PLAAT1: variants seen among roughly 807,000 people sequenced by gnomAD.
PLAAT1 encodes phospholipase A and acyltransferase 1.
In PLAAT1, 13 loss-of-function variants were observed where a neutral mutation model predicts 16.4. That is an observed-to-expected ratio of 0.79 (90% CI 0.52 to 1.26). The LOEUF (loss-of-function observed/expected upper bound fraction) is 1.26. Ranked by LOEUF, PLAAT1 falls within the 50% of genes most tolerant of loss-of-function variation. PLAAT1 has a pLI of 0.00. For synonymous variants in PLAAT1, 73 were observed against 78.4 expected (o/e 0.93, Z 0.36); for missense variants, 218 against 207.8 (o/e 1.05, Z -0.30).
At chr3:193,269,433 A>C (rs1443616373) in intron 3 of PLAAT1, among the ~76,000 whole-genome samples, 1 of 152,178 alleles carries the variant, frequency 6.6e-6, no homozygotes, top group Non-Finnish European at 1.5e-5. Context: ...CATGGAGCCA[A>C]GACTTCTGTT....
intron 3 of PLAAT1, among the ~76,000 whole-genome samples, chr3:193,269,358 C>T (rs1358960287): frequency 6.6e-6 from 1 of 152,216 alleles, no homozygotes. Context: ...CAGTGGGCCA[C>T]AATTACAGGC....
intron 2 of PLAAT1, among the ~76,000 whole-genome samples, chr3:193,276,472 A>G (rs1717207574): frequency 6.6e-6 from 1 of 152,234 alleles, no homozygotes; most frequent in African/African-American, 2.4e-5. Flanking sequence ...AAAATATTAG[A>G]AAAGTGCAAT....
At position 193,260,641 on chromosome 3, in the gene PLAAT1, G is replaced by A. The variant is rs567248836; in HGVS notation, c.140-2329G>A. Among the ~76,000 whole-genome samples the A allele has an allele frequency of 4.1e-4, 62 of 151,796 alleles. 1 individual carries two copies. Among genetic ancestry groups the A allele is most frequent in the Admixed American group, 3.9e-4 (6 of 15,238 alleles). ...TAGAAATGCAAATCAAAACCACAAT[G>A]AGATACCATCTCACATCAGTCAGAA... On this transcript the variant is annotated intron_variant, in intron 2 of 3. Transcript: ENST00000264735.
At chr3:193,272,602 T>C (rs992926941), downstream of PLAAT1, among the ~76,000 whole-genome samples, 1 of 152,166 alleles carries the variant, frequency 6.6e-6, no homozygotes, top group African/African-American at 2.4e-5. Context: ...GGGGAATTAC[T>C]ACACCCACCA....
chr3:193,276,671 C>T, intron 2 of PLAAT1: 1 of 994,722 alleles, frequency 1.0e-6, no homozygotes, highest in Non-Finnish European at 1.5e-6. Flanking sequence ...AAAGTGGTTG[C>T]TCTAGAAAAT....
intron 1 of PLAAT1, among the ~76,000 whole-genome samples, chr3:193,252,791 A>T (rs903347205): frequency 1.3e-5 from 2 of 152,156 alleles, no homozygotes; most frequent in African/African-American, 4.8e-5. Context: ...TTCAGCACCA[A>T]TTGTCAAAAA....
intron 3 of PLAAT1, among the ~76,000 whole-genome samples, chr3:193,268,816 T>C (rs1206524020): frequency 1.3e-5 from 2 of 152,180 alleles, no homozygotes; most frequent in African/African-American, 2.4e-5. Context: ...TTGTCAGCTT[T>C]CATTAACATC....
At position 193,246,148 on chromosome 3, in the gene PLAAT1, A is replaced by T. The variant is rs12496346; in HGVS notation, c.-1+4615A>T. On this transcript the variant is annotated intron_variant, in intron 1 of 3. Coordinates refer to ENST00000264735, the MANE Select transcript of PLAAT1 (RefSeq NM_020386.5). Reference sequence around the variant, plus strand: ...TTGTCTTTCTAATCTTACAGGAAAAACTTTCAACTTTTTACCATCGAGCAT... The same window carrying T: ...TTGTCTTTCTAATCTTACAGGAAAATCTTTCAACTTTTTACCATCGAGCAT... Among the ~76,000 whole-genome samples the T allele has an allele frequency of 3.4e-3, 512 of 152,140 alleles. 18 individuals carry two copies. The highest frequency in any genetic ancestry group is 0.031 in the Admixed American group (471 of 15,288).
chr3:193,257,045 C>CTT (rs1716400685), intron 2 of PLAAT1, among the ~76,000 whole-genome samples: 5 of 152,146 alleles, frequency 3.3e-5, no homozygotes, highest in African/African-American at 1.2e-4. Context: ...CACACATCTG[C>CTT]ATTTTTTTCT....
At chr3:193,242,357 GA>G (rs1715798806) in intron 1 of PLAAT1, among the ~76,000 whole-genome samples, 1 of 152,168 alleles carries the variant, frequency 6.6e-6, no homozygotes, top group African/African-American at 2.4e-5. Flanking sequence ...GGAAGCTAAA[GA>G]AGGCGGATCG....
intron 1 of PLAAT1, among the ~76,000 whole-genome samples, chr3:193,247,853 A>T (rs756561959): frequency 3.2e-4 from 49 of 152,280 alleles, no homozygotes; most frequent in Middle Eastern, 3.4e-3. Flanking sequence ...ATATCATATG[A>T]TCTACCCTGG....
intron 2 of PLAAT1, among the ~76,000 whole-genome samples, chr3:193,262,183 A>G (rs549749261): frequency 5.9e-4 from 90 of 152,280 alleles, no homozygotes; most frequent in African/African-American, 2.1e-3. Context: ...CCAAAGATAT[A>G]GTAGTTCCTG....
intron 1 of PLAAT1, among the ~76,000 whole-genome samples, chr3:193,252,766 T>C (rs1301710284): frequency 6.6e-6 from 1 of 152,212 alleles, no homozygotes; most frequent in Admixed American, 6.5e-5. Flanking sequence ...TGTTTGTCTA[T>C]GGATGTCTAA....
At chr3:193,273,525 G>T (rs2108807563), downstream of PLAAT1, among the ~76,000 whole-genome samples, 1 of 152,260 alleles carries the variant, frequency 6.6e-6, no homozygotes, top group South Asian at 2.1e-4. Flanking sequence ...TTTCAGAATT[G>T]TAAACTCAAG....
intron 3 of PLAAT1, among the ~76,000 whole-genome samples, chr3:193,267,440 A>G (rs1716819263): frequency 6.6e-6 from 1 of 151,726 alleles, no homozygotes; most frequent in Admixed American, 6.6e-5. Context: ...GCAGAATATC[A>G]TGTTGCTGAA....
At chr3:193,250,600 T>A (rs1445014123) in intron 1 of PLAAT1, among the ~76,000 whole-genome samples, 1 of 152,138 alleles carries the variant, frequency 6.6e-6, no homozygotes, top group African/African-American at 2.4e-5. Flanking sequence ...GCACTCCGTG[T>A]GTATGGAAAC....
intron 2 of PLAAT1, among the ~76,000 whole-genome samples, chr3:193,260,578 CAACA>C (rs1716548068): frequency 6.6e-6 from 1 of 151,796 alleles, no homozygotes; most frequent in Admixed American, 6.6e-5. Flanking sequence ...TTCAGGCAAC[CAACA>C]AACCTATGAA....
chr3:193,240,654 C>CGCGTGTGTGTGTGTGTGTGTGTGT (rs1553803498), upstream of PLAAT1, among the ~76,000 whole-genome samples: 3 of 88,502 alleles, frequency 3.4e-5, no homozygotes, highest in African/African-American at 1.4e-4. Flanking sequence ...GGCTATCTGG[C>CGCGTGTGTGTGTGTGTGTGTGTGT]GTGTGTGTGT....
At chr3:193,241,611 A>G in intron 1 of PLAAT1, 78 bp downstream of exon 1, 1 of 1,052,796 alleles carries the variant, frequency 9.5e-7, no homozygotes, top group Non-Finnish European at 1.2e-6. Context: ...CAAGTGGGAA[A>G]AGTTGACATG....
Sources: allele counts gnomAD v4.1 joint callset (sites outside exome capture counted in the v4.1 genomes callset), GRCh38; gene constraint gnomAD v4.1.1; transcripts MANE v1.5; gene names NCBI Gene and HGNC (gene_info 2026-07-23, HGNC 2026-07-21).